The following GPC6 variants were observed in gnomAD, a reference collection of about 807,000 sequenced individuals.
GPC6 encodes glypican-6.
Under a neutral mutation model 55.2 loss-of-function variants are expected in GPC6, and 14 were observed. That is an observed-to-expected ratio of 0.25 (90% CI 0.17 to 0.40). GPC6 has a LOEUF of 0.40. Among genes scored for constraint, GPC6 ranks in the 10% least tolerant of loss-of-function variants. GPC6 has a pLI of 1.00. For missense variants in GPC6, 641 were observed against 708.5 expected, an observed-to-expected ratio of 0.90 and a Z score of 1.08; for synonymous variants, 278 against 259.6, an observed-to-expected ratio of 1.07 and a Z score of -0.68.
chr13:94,105,192 A>G (rs1035710771), intron 4 of GPC6, among the ~76,000 whole-genome samples: 5 of 152,110 alleles, frequency 3.3e-5, no homozygotes, highest in Non-Finnish European at 7.4e-5. Context: ...CCGTATCTAC[A>G]AAAAATAAAT....
At chr13:94,184,643 G>T (rs146686801) in intron 4 of GPC6, among the ~76,000 whole-genome samples, 1 of 152,070 alleles carries the variant, frequency 6.6e-6, no homozygotes, top group Non-Finnish European at 1.5e-5. Context: ...AAAAACAACA[G>T]ATGCCGATTG....
chr13:94,339,707 A>G (rs1877921337), intron 6 of GPC6, among the ~76,000 whole-genome samples: 1 of 150,876 alleles, frequency 6.6e-6, no homozygotes, highest in African/African-American at 2.4e-5. Context: ...ATCTATGGAA[A>G]CTAAAATCTG....
At chr13:93,962,935 G>T (rs1203137663) in intron 3 of GPC6, among the ~76,000 whole-genome samples, 1 of 152,142 alleles carries the variant, frequency 6.6e-6, no homozygotes, top group Non-Finnish European at 1.5e-5. Flanking sequence ...CAGTTGTTCT[G>T]ATTAGCTCTA....
At chr13:93,479,612 C>CCCG (rs1555303831) in intron 1 of GPC6, among the ~76,000 whole-genome samples, 1 of 141,444 alleles carries the variant, frequency 7.1e-6, no homozygotes, top group African/African-American at 2.5e-5. Flanking sequence ...GGTGAGACCC[C>CCCG]CCCCCATCTC....
intron 3 of GPC6, among the ~76,000 whole-genome samples, chr13:93,989,188 C>G (rs1594646085): frequency 2.6e-5 from 4 of 152,160 alleles, no homozygotes; most frequent in Admixed American, 2.6e-4. Context: ...CTTCTCTCCT[C>G]TAACTCCCTG....
At chr13:93,299,335 T>C (rs1213912807) in intron 1 of GPC6, among the ~76,000 whole-genome samples, 1 of 152,222 alleles carries the variant, frequency 6.6e-6, no homozygotes, top group Non-Finnish European at 1.5e-5. Context: ...CAGAGCAATG[T>C]AATATATTAA....
intron 4 of GPC6, among the ~76,000 whole-genome samples, chr13:94,054,117 A>T (rs754063053): frequency 6.6e-6 from 1 of 152,152 alleles, no homozygotes; most frequent in African/African-American, 2.4e-5. Context: ...CTGAGTCCGG[A>T]TATAAGCTGT....
chr13:94,018,932 A>G (rs1318181107), intron 3 of GPC6, among the ~76,000 whole-genome samples: 1 of 152,084 alleles, frequency 6.6e-6, no homozygotes, highest in African/African-American at 2.4e-5. Flanking sequence ...TCATCCCACA[A>G]CCATTCCCCC....
chr13:93,783,085 T>C (rs984931554), intron 2 of GPC6, among the ~76,000 whole-genome samples: 1 of 152,188 alleles, frequency 6.6e-6, no homozygotes, highest in Non-Finnish European at 1.5e-5. Context: ...TAGTTTTCTC[T>C]TCCTCTGTTA....
At chr13:93,970,151 A>G (rs984641165) in intron 3 of GPC6, among the ~76,000 whole-genome samples, 2 of 152,156 alleles carry the variant, frequency 1.3e-5, no homozygotes, top group Non-Finnish European at 2.9e-5. Flanking sequence ...ATTTTTCCAT[A>G]GAGTGTGTGC....
chr13:94,226,151 T>C (rs1222121273), intron 4 of GPC6, among the ~76,000 whole-genome samples: 2 of 152,174 alleles, frequency 1.3e-5, no homozygotes, highest in African/African-American at 2.4e-5. Context: ...GAGCACACAG[T>C]AAAGCAAACT....
intron 2 of GPC6, among the ~76,000 whole-genome samples, chr13:93,654,741 T>C (rs1018273299): frequency 6.6e-6 from 1 of 152,110 alleles, no homozygotes; most frequent in African/African-American, 2.4e-5. Context: ...TAGAACCCCA[T>C]CTATAAATAA....
chr13:94,331,727 G>A (rs1280620860), intron 6 of GPC6, among the ~76,000 whole-genome samples: 1 of 152,060 alleles, frequency 6.6e-6, no homozygotes, highest in African/African-American at 2.4e-5. Context: ...AGTTAAACCT[G>A]GGAATACAAA....
chr13:94,387,228 A>G (rs9524472), intron 7 of GPC6, among the ~76,000 whole-genome samples: 32,018 of 151,912 alleles, frequency 0.21, 3,738 homozygotes, highest in African/African-American at 0.31. Context: ...CTCCACCCTC[A>G]CCCATCTCTG....
At chr13:94,390,657 C>T (rs1460503316) in intron 7 of GPC6, among the ~76,000 whole-genome samples, 1 of 152,196 alleles carries the variant, frequency 6.6e-6, no homozygotes, top group Non-Finnish European at 1.5e-5. Flanking sequence ...CACCTCCCAC[C>T]ATCACCCATC....
intron 2 of GPC6, among the ~76,000 whole-genome samples, chr13:93,762,859 G>A (rs1884996648): frequency 1.3e-5 from 2 of 152,122 alleles, no homozygotes; most frequent in South Asian, 2.1e-4. Flanking sequence ...TATGCTATTT[G>A]AGAGCAATTC....
At chr13:93,572,067 T>A (rs1016111340) in intron 2 of GPC6, among the ~76,000 whole-genome samples, 5 of 152,184 alleles carry the variant, frequency 3.3e-5, no homozygotes. Flanking sequence ...TGAGCTTACA[T>A]CTAAGCCTCC....
chr13:93,958,065 G>A (rs982972670), intron 3 of GPC6, among the ~76,000 whole-genome samples: 1 of 152,022 alleles, frequency 6.6e-6, no homozygotes, highest in Admixed American at 6.6e-5. Context: ...AGGGTTATTT[G>A]ATTTTTTCGT....
chr13:94,248,674 T>TGAGA lies in GPC6; in HGVS notation c.878-37655_878-37652dup, dbSNP rs142240819. 2.1e-3 allele frequency among the ~76,000 whole-genome samples: 315 copies of TGAGA among 146,726 alleles called. 6 individuals carry two copies. Among genetic ancestry groups the TGAGA allele is most frequent in the African/African-American group, 4.6e-3 (185 of 39,964 alleles). On this transcript the variant is annotated intron_variant, in intron 4 of 8. Coordinates refer to ENST00000377047, the MANE Select transcript of GPC6 (RefSeq NM_005708.5). ...TGATATCCCCATGACCATTTCAGGC[T>TGAGA]GAGAGAGAGAGAGAGAGAGAGAGGT...
Sources: allele counts gnomAD v4.1 joint callset (sites outside exome capture counted in the v4.1 genomes callset), GRCh38; gene constraint gnomAD v4.1.1; transcripts MANE v1.5; gene names NCBI Gene and HGNC (gene_info 2026-07-23, HGNC 2026-07-21).